The following MYH3 variants were observed in gnomAD, a reference collection of about 807,000 sequenced individuals.
The protein encoded by MYH3 is myosin-3.
A neutral mutation model predicts 238.0 loss-of-function variants in MYH3; 130 were observed. The observed-to-expected ratio is 0.55, with a 90% CI of 0.47 to 0.63. The LOEUF (loss-of-function observed/expected upper bound fraction) is 0.63, where lower values mean the gene tolerates loss of function less well. Among genes scored for constraint, MYH3 ranks in the 30% least tolerant of loss-of-function variants. The pLI, the probability that MYH3 is intolerant of heterozygous loss-of-function variation, is 0.00. For missense variants in MYH3, 1,853 were observed against 2,374.9 expected (o/e 0.78, Z 4.57); for synonymous variants, 880 against 924.1 (o/e 0.95, Z 0.86).
Position 10,639,342 on chromosome 17 carries a change from A to T in MYH3, c.3058T>A (p.Ser1020Thr). ...DLQAEEDKVN[S>T]LNKTKSKLEQ... The stretch of plus-strand genomic sequence containing the variant: ...AGTTTGCTCTTGGTTTTGTTCAAAG[A>T]ATTGACTTTGTCTTCTTCAGCTTGG... The change falls in exon 24 of 41, where the codon TCT (serine) becomes ACT (threonine). Residue 1020 changes from serine (S) to threonine (T), a missense_variant. Ser to Thr is a moderately conservative substitution (Grantham distance 58). Around this residue, in one of 3 missense-constraint regions of MYH3, gnomAD observed 1,044 missense variants for 1,192.6 expected, o/e 0.88. Coordinates refer to ENST00000583535, the MANE Select transcript of MYH3 (RefSeq NM_002470.4). 2 of 1,614,098 alleles carry T rather than the reference A, an allele frequency of 1.2e-6. No individual in the cohort carries two copies. The highest frequency in any genetic ancestry group is 2.2e-5 in the East Asian group (1 of 44,862).
chr17:10,638,531 G>A, intron 26 of MYH3, 99 bp from the exon 27 acceptor site: 1 of 1,484,024 alleles, frequency 6.7e-7, no homozygotes, highest in East Asian at 2.4e-5. Context: ...GACAAACTGA[G>A]TCTTAGACTC....
In MYH3 at chr17:10,630,373, A is replaced by C; in HGVS notation, c.5372T>G (p.Val1791Gly). 1 of 1,613,802 alleles carries C rather than the reference A, an allele frequency of 6.2e-7. No homozygotes were observed. Among genetic ancestry groups the C allele is most frequent in the Non-Finnish European group, 8.5e-7 (1 of 1,179,944 alleles). The part of the protein sequence containing the change: ...ERMKKNLEQT[V>G]KDLQHRLDEA... ...ATCTAGACGATGCTGCAGGTCCTTC[A>C]CCGTCTGTTCCAGGTTCTTCTTCAT... Residue 1791 changes from valine to glycine, a missense_variant, in exon 37 of 41, where the codon GTG becomes GGG. Transcript: ENST00000583535.
intron 1 of MYH3, 50 bp downstream of exon 1, chr17:10,657,239 G>A (rs916398963): frequency 6.6e-6 from 1 of 152,324 alleles, no homozygotes; most frequent in Non-Finnish European, 1.5e-5. Flanking sequence ...TGCTCACCGG[G>A]TGGGTGTGCT....
At chr17:10,649,525 A>G (rs2074355255) in intron 7 of MYH3, 52 bp downstream of exon 7, 1 of 1,428,570 alleles carries the variant, frequency 7.0e-7, no homozygotes, top group South Asian at 1.1e-5. Context: ...TTCTGAGGTT[A>G]AGACCACAGT....
intron 4 of MYH3, 135 bp downstream of exon 4, chr17:10,652,285 G>GTCTTTGT: frequency 1.7e-6 from 2 of 1,143,028 alleles, no homozygotes; most frequent in Admixed American, 3.6e-5. Flanking sequence ...TTTCTCCTCC[G>GTCTTTGT]TCTTTGTGTT....
rs541839271 is a variant in MYH3 at position 10,641,508 on chromosome 17, C to CTTT, written c.1960-139_1960-137dup. 204 of 117,236 alleles carry CTTT rather than the reference C, an allele frequency of 1.7e-3. 2 individuals are homozygous for CTTT. The highest frequency in any genetic ancestry group is 5.3e-3 in the African/African-American group (114 of 21,482). The allele number at this position is 117,236 out of a possible 1,614,324, so 7.3% of individuals were successfully genotyped here. On this transcript the variant is annotated intron_variant, in intron 17 of 40. Transcript: ENST00000583535. ...GTATAGTGAAATGATTTAACTCTGT[C>CTTT]TTTTTTTTTTTTTTTTTTTTTTTTG...
At position 10,642,198 on chromosome 17, in the gene MYH3, A is replaced by C; in HGVS notation, c.1959+42T>G. 1 of 1,554,460 alleles carries C rather than the reference A, an allele frequency of 6.4e-7. No individual in the cohort carries two copies. Among genetic ancestry groups the C allele is most frequent in the Non-Finnish European group, 8.9e-7 (1 of 1,128,816 alleles). ...TCTCAGCATTGCTCATTTAGATGTC[A>C]CTTAAATCAATTATAAGCAAATAAA... On this transcript the variant is annotated intron_variant, in intron 17 of 40. Coordinates refer to ENST00000583535, the MANE Select transcript of MYH3 (RefSeq NM_002470.4). This position sits in a 1 kb window ranked among gnomAD's most constrained non-coding sequence, Gnocchi z 5.4.
rs369655115 is a variant in MYH3, at chr17:10,655,091, C to T, written c.-8-19G>A. On this transcript the variant is annotated intron_variant, in intron 2 of 40. Coordinates refer to ENST00000583535, the MANE Select transcript of MYH3 (RefSeq NM_002470.4). Reference sequence around the variant, plus strand: ...GTGTCAGCTGGAAGGCAAACCCACCCGGTGAGCTCAGCAGCCCCCTTGCCA... The same window carrying T: ...GTGTCAGCTGGAAGGCAAACCCACCTGGTGAGCTCAGCAGCCCCCTTGCCA... The T allele has an allele frequency of 4.2e-5, 67 of 1,606,968 alleles. No individual in the cohort carries two copies. The Admixed American group carries it at 5.3e-4, about 13-fold the overall frequency.
chr17:10,675,888 C>A, the MYH3 span: 1 of 152,100 alleles, frequency 6.6e-6, no homozygotes, highest in East Asian at 1.9e-4. Context: ...GAACTGGGTG[C>A]AAACATGGAC....
chr17:10,665,420 G>A, the MYH3 span, among the ~76,000 whole-genome samples: 1 of 152,140 alleles, frequency 6.6e-6, no homozygotes, highest in Non-Finnish European at 1.5e-5. Flanking sequence ...TGGGATTACA[G>A]GTGTGAGCCA....
At chr17:10,663,665 G>A in the MYH3 span, among the ~76,000 whole-genome samples, 1 of 151,962 alleles carries the variant, frequency 6.6e-6, no homozygotes, top group East Asian at 1.9e-4. Context: ...CAGGACAGGA[G>A]GGGGACTTTC....
rs146375270 is a variant in MYH3 at position 10,642,436 on chromosome 17, G to A, written c.1869C>T (p.Ala623=). The A allele has an allele frequency of 6.2e-7, 1 of 1,614,178 alleles. No homozygotes were observed. The highest frequency in any genetic ancestry group is 1.3e-5 in the African/African-American group (1 of 75,036). ...SSNRLLAHLY[A]TFATADADSG... is the part of the protein sequence containing the mutation. ...TCTTACCATCCGCCGTGGCAAACGT[G>A]GCATAGAGGTGTGCCAGGAGCCTGT... Residue 623 remains alanine, a synonymous_variant, in exon 16 of 41, where the codon GCC becomes GCT. Transcript: ENST00000583535. This position sits in a 1 kb window ranked among gnomAD's most constrained non-coding sequence, Gnocchi z 5.4.
chr17:10,657,575 C>T (rs1245881924), upstream of MYH3, among the ~76,000 whole-genome samples: 1 of 152,190 alleles, frequency 6.6e-6, no homozygotes, highest in African/African-American at 2.4e-5. Flanking sequence ...GATGGGATGG[C>T]CTCACTCCAG....
chr17:10,640,457 C>G lies in MYH3; in HGVS notation c.2302G>C (p.Ala768Pro), dbSNP rs2074260216. 1 of 1,614,198 alleles carries G rather than the reference C, an allele frequency of 6.2e-7. No individual in the cohort carries two copies. The highest frequency in any genetic ancestry group is 8.5e-7 in the Non-Finnish European group (1 of 1,180,036). Reference protein sequence around the residue: ...KFGHTKVFFKAGLLGTLEEMR... With the variant: ...KFGHTKVFFKPGLLGTLEEMR... ...TCTTCCAGGGTTCCCAGCAAGCCAG[C>G]CTTGAAGAACACCTTATGGGGCAGA... is the stretch of plus-strand genomic sequence containing the variant. Residue 768 changes from alanine to proline, a missense_variant, in exon 21 of 41, where the codon GCT (alanine) becomes CCT (proline). Ala to Pro is a conservative substitution (Grantham distance 27). Transcript: ENST00000583535.
intron 6 of MYH3, 109 bp downstream of exon 6, chr17:10,650,263 ACC>A: frequency 8.9e-7 from 1 of 1,124,770 alleles, no homozygotes; most frequent in Non-Finnish European, 1.3e-6. Context: ...GGTGTCAGCC[ACC>A]GCGCCCAGCC....
upstream of MYH3, among the ~76,000 whole-genome samples, chr17:10,660,612 G>A (rs902829209): frequency 6.6e-6 from 1 of 151,332 alleles, no homozygotes; most frequent in Non-Finnish European, 1.5e-5. Context: ...GGGAGGCGGC[G>A]CTTGCAGTGA....
chr17:10,638,764 C>T (rs779102875), intron 26 of MYH3, 109 bp downstream of exon 26: 26 of 1,093,860 alleles, frequency 2.4e-5, no homozygotes, highest in Non-Finnish European at 2.9e-5. Flanking sequence ...AACCATGAGG[C>T]AGGTGGCCCC....
chr17:10,656,537 C>CAAAAAAAAAAAAAAAAAAA (rs71139057), intron 1 of MYH3, among the ~76,000 whole-genome samples: 1 of 55,896 alleles, frequency 1.8e-5, no homozygotes, highest in African/African-American at 4.9e-5. Context: ...AATTCTGTCT[C>CAAAAAAAAAAAAAAAAAAA]AAAAAAAAAA....
chr17:10,639,223 T>C (rs1305729738), intron 24 of MYH3, 34 bp from the exon 25 acceptor site: 5 of 1,614,080 alleles, frequency 3.1e-6, no homozygotes, highest in Non-Finnish European at 4.2e-6. Context: ...TGGGAACAAA[T>C]GCTTTGCAAG....
Sources: allele counts gnomAD v4.1 joint callset (sites outside exome capture counted in the v4.1 genomes callset), GRCh38; gene constraint gnomAD v4.1.1; regional missense constraint gnomAD v4.1.1; non-coding constraint Gnocchi (gnomAD v3.1); transcripts MANE v1.5; gene names NCBI Gene and HGNC (gene_info 2026-07-23, HGNC 2026-07-21).